MDGA2: variants seen among roughly 807,000 people sequenced by gnomAD.
MDGA2 encodes the protein MAM domain-containing glycosylphosphatidylinositol anchor protein 2.
A neutral mutation model predicts 117.8 loss-of-function variants in MDGA2; 40 were observed. That is an observed-to-expected ratio of 0.34 (90% CI 0.26 to 0.44). The LOEUF (loss-of-function observed/expected upper bound fraction) is 0.44, where lower values mean the gene tolerates loss of function less well. Ranked by LOEUF, MDGA2 falls within the 20% of genes least tolerant of loss-of-function variation. The probability of loss-of-function intolerance (pLI) is 1.00; values close to 1 mark genes in which losing one functional copy is unlikely to be tolerated. For missense variants in MDGA2, 1,123 were observed against 1,250.6 expected (o/e 0.90, Z 1.54); for synonymous variants, 452 against 439.0 (o/e 1.03, Z -0.37).
At chr14:47,129,483 G>C (rs1882085403) in intron 5 of MDGA2, among the ~76,000 whole-genome samples, 2 of 150,284 alleles carry the variant, frequency 1.3e-5, no homozygotes, top group African/African-American at 4.9e-5. Context: ...TCTTAATCCA[G>C]TCTATCATTG....
At chr14:46,846,097 G>A (rs997725191) in intron 15 of MDGA2, among the ~76,000 whole-genome samples, 5 of 151,756 alleles carry the variant, frequency 3.3e-5, no homozygotes, top group African/African-American at 1.2e-4. Context: ...GCTCTGTGTC[G>A]ATTTTAAAGC....
intron 3 of MDGA2, among the ~76,000 whole-genome samples, chr14:47,182,149 C>G (rs1884734492): frequency 6.6e-6 from 1 of 152,032 alleles, no homozygotes; most frequent in Non-Finnish European, 1.5e-5. Context: ...TCTATGATAT[C>G]AGGATAATTA....
At chr14:47,469,652 C>T (rs1893679921) in intron 1 of MDGA2, among the ~76,000 whole-genome samples, 1 of 152,020 alleles carries the variant, frequency 6.6e-6, no homozygotes, top group South Asian at 2.1e-4. Flanking sequence ...GATTTATAGT[C>T]CTTTGGGTAT....
At position 46,873,511 on chromosome 14, in the gene MDGA2, C is replaced by A; in HGVS notation, c.2674G>T (p.Ala892Ser). 6.2e-7 allele frequency: 1 copy of A among 1,612,518 alleles called. No individual in the cohort carries two copies. Among genetic ancestry groups the A allele is most frequent in the Non-Finnish European group, 8.5e-7 (1 of 1,179,044 alleles). The change falls in exon 14 of 17, where the codon GCT becomes TCT. Residue 892 changes from alanine (A) to serine (S), a missense_variant. Physicochemically the swap from Ala to Ser is moderately conservative, Grantham distance 99 (BLOSUM62 1). Coordinates refer to ENST00000399232, the MANE Select transcript of MDGA2 (RefSeq NM_001113498.3). ...GTGGGTCCATAAGGGTTTTTGGGAGCTATGCTGAAAACAGGGCTGAGAAGT... is the reference window on the plus strand; with the variant it reads ...GTGGGTCCATAAGGGTTTTTGGGAGATATGCTGAAAACAGGGCTGAGAAGT... ...ARLLSPVFSI[A>S]PKNPYGPTNT...
intron 2 of MDGA2, among the ~76,000 whole-genome samples, chr14:47,295,021 C>G (rs767105208): frequency 6.6e-6 from 1 of 152,064 alleles, no homozygotes; most frequent in South Asian, 2.1e-4. Context: ...ATGCAAAAAG[C>G]AAATGCTCAC....
intron 8 of MDGA2, among the ~76,000 whole-genome samples, chr14:46,958,463 T>C (rs144692435): frequency 6.6e-6 from 1 of 152,306 alleles, no homozygotes; most frequent in East Asian, 1.9e-4. Flanking sequence ...AGGATTTATA[T>C]GATCAAATAA....
chr14:47,364,019 T>C (rs565107889), intron 1 of MDGA2, among the ~76,000 whole-genome samples: 4 of 152,084 alleles, frequency 2.6e-5, no homozygotes, highest in East Asian at 3.9e-4. Context: ...TTAAAAGTTA[T>C]GTGTTAAAGG....
intron 7 of MDGA2, among the ~76,000 whole-genome samples, chr14:47,041,635 C>A (rs540213635): frequency 6.6e-6 from 1 of 151,680 alleles, no homozygotes; most frequent in Admixed American, 6.6e-5. Context: ...TCATTCCAAA[C>A]GTAAATAAAT....
At chr14:47,443,648 C>G (rs920415971) in intron 1 of MDGA2, among the ~76,000 whole-genome samples, 6 of 152,158 alleles carry the variant, frequency 3.9e-5, no homozygotes, top group Admixed American at 3.9e-4. Flanking sequence ...AAATATGGTA[C>G]TAATTGTCCA....
intron 3 of MDGA2, among the ~76,000 whole-genome samples, chr14:47,186,652 T>A (rs1884922811): frequency 6.6e-6 from 1 of 151,904 alleles, no homozygotes; most frequent in Admixed American, 6.6e-5. Flanking sequence ...ATTAAGTAAT[T>A]GAGCTGATTT....
At chr14:46,922,855 C>G (rs762087217) in intron 9 of MDGA2, among the ~76,000 whole-genome samples, 4 of 152,204 alleles carry the variant, frequency 2.6e-5, no homozygotes, top group Non-Finnish European at 4.4e-5. Context: ...TGGGGCAAGA[C>G]TGAGAGACAT....
chr14:47,098,834 A>AAT (rs1386695327), intron 5 of MDGA2, among the ~76,000 whole-genome samples: 1 of 151,996 alleles, frequency 6.6e-6, no homozygotes, highest in Non-Finnish European at 1.5e-5. Context: ...GGACATACCC[A>AAT]ATGGTGACAT....
At chr14:47,139,747 T>C (rs1196717013) in intron 4 of MDGA2, among the ~76,000 whole-genome samples, 3 of 149,454 alleles carry the variant, frequency 2.0e-5, no homozygotes, top group South Asian at 2.1e-4. Context: ...TATATGTATA[T>C]GTTTATATAA....
intron 8 of MDGA2, among the ~76,000 whole-genome samples, chr14:47,023,937 G>A (rs562986416): frequency 6.6e-6 from 1 of 151,988 alleles, no homozygotes; most frequent in South Asian, 2.1e-4. Context: ...ATACAGAGAA[G>A]AAGAATAAAT....
At chr14:47,327,871 A>T (rs1234253985) in intron 1 of MDGA2, among the ~76,000 whole-genome samples, 1 of 152,214 alleles carries the variant, frequency 6.6e-6, no homozygotes, top group African/African-American at 2.4e-5. Context: ...GTAAGTGAAT[A>T]CCAAGAGTTC....
rs559428054 is a variant in MDGA2, at chr14:47,393,216, T to G, written c.281-91666A>C. ...GAAATTAAAAAACTTTATAGTTGCT[T>G]TAAGTGGGGAATCTAAAGCGTTCAT... On this transcript the variant is annotated intron_variant, in intron 1 of 16. Coordinates refer to ENST00000399232, the MANE Select transcript of MDGA2 (RefSeq NM_001113498.3). 8.6e-5 allele frequency among the ~76,000 whole-genome samples: 13 copies of G among 151,848 alleles called. No individual in the cohort carries two copies. In the South Asian group the frequency reaches 2.7e-3, roughly 31 times the overall value.
chr14:47,220,380 A>T (rs1009229323), intron 2 of MDGA2, among the ~76,000 whole-genome samples: 5 of 152,146 alleles, frequency 3.3e-5, no homozygotes, highest in African/African-American at 1.2e-4. Context: ...CTTAAACCCC[A>T]AATTATTAAT....
In MDGA2 at chr14:47,017,573, G is replaced by A. The variant is rs530829071; in HGVS notation, c.1819+17438C>T. Among the ~76,000 whole-genome samples the A allele has an allele frequency of 2.4e-4, 36 of 151,514 alleles. No individual in the cohort carries two copies. The South Asian group carries it at 4.2e-3, about 18-fold the overall frequency. On this transcript the variant is annotated intron_variant, in intron 8 of 16. Transcript: ENST00000399232. The stretch of plus-strand genomic sequence containing the variant: ...AGCAGGAACATTTATATAAATATAC[G>A]CAATCTTCAACATTCAGGGGGAAAA...
intron 1 of MDGA2, among the ~76,000 whole-genome samples, chr14:47,491,286 C>T (rs1356433294): frequency 6.6e-6 from 1 of 152,002 alleles, no homozygotes; most frequent in African/African-American, 2.4e-5. Flanking sequence ...GGCCCTAAAA[C>T]CACTGAACAC....
Sources: gnomAD v4.1 joint callset for allele counts (sites outside exome capture counted in the v4.1 genomes callset) on GRCh38, gnomAD v4.1.1 for gene constraint, MANE v1.5 for transcripts, NCBI Gene and HGNC (gene_info 2026-07-23, HGNC 2026-07-21) for gene names.